The following DCDC1 variants were observed in gnomAD, a reference collection of about 807,000 sequenced individuals.
DCDC1 encodes the protein doublecortin domain containing 1.
Under a neutral mutation model 178.3 loss-of-function variants are expected in DCDC1, and 200 were observed. That is an observed-to-expected ratio of 1.12 (90% confidence interval 1.00 to 1.26). The LOEUF (loss-of-function observed/expected upper bound fraction) is 1.26, where lower values mean the gene tolerates loss of function less well. Ranked by LOEUF, DCDC1 falls within the 50% of genes most tolerant of loss-of-function variation. The pLI is 0.00. For synonymous variants in DCDC1, 690 were observed against 604.8 expected (o/e 1.14, Z -2.07); for missense variants, 1,983 against 1,749.2 (o/e 1.13, Z -2.38).
At chr11:31,326,894 A>C (rs911135238) in intron 3 of DCDC1, among the ~76,000 whole-genome samples, 3 of 152,184 alleles carry the variant, frequency 2.0e-5, no homozygotes, top group African/African-American at 7.2e-5. Context: ...TCACACTCAG[A>C]CAGCCAATAG....
chr11:31,157,370 A>ATATATAT (rs566330824), intron 9 of DCDC1, among the ~76,000 whole-genome samples: 5,417 of 110,014 alleles, frequency 0.049, 121 homozygotes, highest in East Asian at 0.18. Context: ...AAAAAAAAAA[A>ATATATAT]AAATATATAT....
At chr11:31,335,084 T>G (rs1950203745) in intron 2 of DCDC1, among the ~76,000 whole-genome samples, 3 of 152,134 alleles carry the variant, frequency 2.0e-5, no homozygotes, top group African/African-American at 7.2e-5. Flanking sequence ...GCTGCTTTGT[T>G]TACCTACTCA....
chr11:31,144,572 C>T (rs986957455), intron 9 of DCDC1, among the ~76,000 whole-genome samples: 2 of 152,170 alleles, frequency 1.3e-5, no homozygotes, highest in Non-Finnish European at 2.9e-5. Flanking sequence ...ATCCACTAAT[C>T]TTTATCATCC....
intron 9 of DCDC1, among the ~76,000 whole-genome samples, chr11:31,211,697 A>G (rs1972552619): frequency 2.0e-5 from 3 of 152,310 alleles, no homozygotes; most frequent in South Asian, 2.1e-4. Context: ...GCTACTCTAC[A>G]TAATGTAGAC....
intron 17 of DCDC1, among the ~76,000 whole-genome samples, chr11:31,081,600 AACT>A (rs1253372261): frequency 6.6e-6 from 1 of 152,110 alleles, no homozygotes; most frequent in Non-Finnish European, 1.5e-5. Context: ...ACAAGAGTGA[AACT>A]CCATCTCAAA....
At chr11:30,942,001 T>A (rs1280420719) in intron 21 of DCDC1, among the ~76,000 whole-genome samples, 1 of 152,154 alleles carries the variant, frequency 6.6e-6, no homozygotes, top group Non-Finnish European at 1.5e-5. Context: ...TTAACACAAT[T>A]CTAAATAAGA....
At chr11:31,115,193 G>A (rs553451279) in intron 11 of DCDC1, among the ~76,000 whole-genome samples, 42 of 152,274 alleles carry the variant, frequency 2.8e-4, no homozygotes, top group Admixed American at 2.4e-3. Context: ...ACTATATAGG[G>A]AAAGCTGCCC....
intron 6 of DCDC1, among the ~76,000 whole-genome samples, chr11:31,301,844 T>C (rs1948137505): frequency 6.6e-6 from 1 of 152,222 alleles, no homozygotes; most frequent in South Asian, 2.1e-4. Context: ...TTTCATTTTG[T>C]AGATCACATG....
intron 18 of DCDC1, among the ~76,000 whole-genome samples, chr11:31,069,057 T>TAGCC (rs1259453493): frequency 1.3e-5 from 2 of 152,094 alleles, no homozygotes; most frequent in Non-Finnish European, 2.9e-5. Context: ...TTCACCGTGT[T>TAGCC]AGCCAGGATG....
chr11:30,945,658 A>T (rs1363564118), intron 21 of DCDC1, among the ~76,000 whole-genome samples: 1 of 152,070 alleles, frequency 6.6e-6, no homozygotes, highest in Non-Finnish European at 1.5e-5. Context: ...GTGCCATTGC[A>T]CTTCAGCCGG....
chr11:31,034,336 A>G (rs1565204303), intron 20 of DCDC1, among the ~76,000 whole-genome samples: 1 of 152,156 alleles, frequency 6.6e-6, no homozygotes, highest in Non-Finnish European at 1.5e-5. Context: ...TTATTATTAA[A>G]GTAAGAAAAA....
intron 1 of DCDC1, among the ~76,000 whole-genome samples, chr11:31,351,487 A>C (rs1951067621): frequency 1.3e-5 from 2 of 152,140 alleles, no homozygotes; most frequent in African/African-American, 4.8e-5. Context: ...TTTTAGCAGG[A>C]GATACATGTA....
chr11:31,254,068 T>G (rs191658613), intron 8 of DCDC1, among the ~76,000 whole-genome samples: 20 of 152,284 alleles, frequency 1.3e-4, no homozygotes, highest in Non-Finnish European at 8.8e-5. Context: ...CTGAAAGTTA[T>G]AGGGCAAAAT....
intron 20 of DCDC1, among the ~76,000 whole-genome samples, chr11:30,997,053 A>G (rs1951313459): frequency 1.3e-5 from 2 of 152,248 alleles, no homozygotes; most frequent in South Asian, 2.1e-4. Flanking sequence ...TCTTAAATGC[A>G]TTAGCTATTT....
chr11:31,097,921 G>T (rs1029477904), intron 15 of DCDC1, among the ~76,000 whole-genome samples: 1 of 152,124 alleles, frequency 6.6e-6, no homozygotes, highest in African/African-American at 2.4e-5. Flanking sequence ...CAGTAATTAT[G>T]AATGCATTCT....
chr11:30,875,156 C>T (rs992430323), intron 38 of DCDC1, among the ~76,000 whole-genome samples: 9 of 152,142 alleles, frequency 5.9e-5, no homozygotes, highest in African/African-American at 1.7e-4. Context: ...TACGGTTACA[C>T]GGTCAGTCCA....
intron 8 of DCDC1, among the ~76,000 whole-genome samples, chr11:31,245,100 G>A (rs1943454709): frequency 6.6e-6 from 1 of 151,170 alleles, no homozygotes; most frequent in Non-Finnish European, 1.5e-5. Context: ...TGTCCTTCAA[G>A]GCTCATATCA....
At chr11:31,114,680 A>C (rs879362839) in intron 11 of DCDC1, among the ~76,000 whole-genome samples, 2 of 152,200 alleles carry the variant, frequency 1.3e-5, no homozygotes, top group Admixed American at 6.5e-5. Flanking sequence ...AGCTACTGTG[A>C]CTGGAGCAGA....
chr11:30,892,985 C>G lies in DCDC1; in HGVS notation c.4915G>C (p.Glu1639Gln). 6.2e-7 allele frequency: 1 copy of G among 1,613,712 alleles called. No homozygotes were observed. Among genetic ancestry groups the G allele is most frequent in the Non-Finnish European group, 8.5e-7 (1 of 1,179,804 alleles). ...LIRHTEAHLS[E>Q]IQEMESKINF... is the part of the protein sequence containing the mutation. ...ATTTTGGATTCCATTTCTTGGATTT[C>G]AGAAAGGTGTGCCTGTCAAGAAAAG... Residue 1639 changes from glutamate to glutamine, a missense_variant, in exon 36 of 39, where the codon GAA becomes CAA. Glu to Gln is a conservative substitution (Grantham distance 29). Transcript: ENST00000684477.
Sources: gnomAD v4.1 joint callset for allele counts (sites outside exome capture counted in the v4.1 genomes callset) on GRCh38, gnomAD v4.1.1 for gene constraint, MANE v1.5 for transcripts, NCBI Gene and HGNC (gene_info 2026-07-23, HGNC 2026-07-21) for gene names.